Variants in MAP2K1 observed in about 807,000 individuals in gnomAD.
MAP2K1 encodes dual specificity mitogen-activated protein kinase kinase 1.
Under a neutral mutation model 46.3 loss-of-function variants are expected in MAP2K1, and 16 were observed. The ratio of observed to expected loss-of-function variants is 0.35; its 90% confidence interval spans 0.23 to 0.52. MAP2K1 has a LOEUF of 0.52. Among genes scored for constraint, MAP2K1 ranks in the 20% least tolerant of loss-of-function variants. MAP2K1 has a pLI of 0.94. For missense variants in MAP2K1, 263 were observed against 497.1 expected (o/e 0.53, Z 4.48); for synonymous variants, 183 against 185.6 (o/e 0.99, Z 0.11).
chr15:66,446,270 C>G (rs1891864748), intron 5 of MAP2K1, among the ~76,000 whole-genome samples: 1 of 151,936 alleles, frequency 6.6e-6, no homozygotes, highest in Admixed American at 6.6e-5. Context: ...GAAACCCTAT[C>G]TCTACTAAAA....
intron 1 of MAP2K1, among the ~76,000 whole-genome samples, chr15:66,408,045 T>C (rs1378376334): frequency 6.6e-6 from 1 of 152,238 alleles, no homozygotes; most frequent in East Asian, 1.9e-4. Flanking sequence ...CTTGTGCAAG[T>C]GCTTTTACAT....
At chr15:66,443,454 G>T in intron 4 of MAP2K1, 97 bp downstream of exon 4, 1 of 795,830 alleles carries the variant, frequency 1.3e-6, no homozygotes, top group South Asian at 1.4e-5. Context: ...AGTCAATGAG[G>T]GGAAAGTTTA....
chr15:66,445,769 A>G (rs1891852099), intron 5 of MAP2K1, among the ~76,000 whole-genome samples: 1 of 152,216 alleles, frequency 6.6e-6, no homozygotes, highest in South Asian at 2.1e-4. Flanking sequence ...AATAACAACA[A>G]ATCCATAGTG....
At chr15:66,425,139 G>A (rs1216144665) in intron 1 of MAP2K1, among the ~76,000 whole-genome samples, 1 of 152,136 alleles carries the variant, frequency 6.6e-6, no homozygotes, top group Non-Finnish European at 1.5e-5. Context: ...TAGACCTTGG[G>A]TTTGGGGTTT....
chr15:66,394,350 CT>C (rs1354202212), intron 1 of MAP2K1, among the ~76,000 whole-genome samples: 3 of 137,598 alleles, frequency 2.2e-5, no homozygotes, highest in Admixed American at 7.1e-5. Flanking sequence ...GAACACACAT[CT>C]GTTAGAGTGT....
At position 66,387,366 on chromosome 15, in the gene MAP2K1, A is replaced by C; in HGVS notation, c.19A>C (p.Thr7Pro). Reference sequence around the variant, plus strand: ...GTCCAAAATGCCCAAGAAGAAGCCGACGCCCATCCAGCTGAACCCGGCCCC... The same window carrying C: ...GTCCAAAATGCCCAAGAAGAAGCCGCCGCCCATCCAGCTGAACCCGGCCCC... MPKKKP[T>P]PIQLNPAPDG... Residue 7 changes from threonine (T) to proline (P), a missense_variant, in exon 1 of 11, where the codon ACG becomes CCG. By Grantham distance (38) the Thr-to-Pro change is conservative. This residue lies in a region of MAP2K1 where 31 missense variants were observed against 29.9 expected (regional missense o/e 1.04). Coordinates refer to ENST00000307102, the MANE Select transcript of MAP2K1 (RefSeq NM_002755.4). The C allele has an allele frequency of 6.4e-7, 1 of 1,565,092 alleles. No individual in the cohort carries two copies. The highest frequency in any genetic ancestry group is 8.7e-7 in the Non-Finnish European group (1 of 1,154,200).
At chr15:66,476,209 T>TTGA (rs1180130461) in intron 5 of MAP2K1, among the ~76,000 whole-genome samples, 1 of 152,172 alleles carries the variant, frequency 6.6e-6, no homozygotes, top group African/African-American at 2.4e-5. Context: ...TACTGGGTGG[T>TTGA]TGATGCTTCC....
chr15:66,482,022 A>C (rs1049551924), intron 6 of MAP2K1, 143 bp downstream of exon 6: 17 of 1,054,614 alleles, frequency 1.6e-5, no homozygotes, highest in Admixed American at 1.4e-4. Flanking sequence ...TGCCCTGAGG[A>C]GATGAAGTTG....
intron 9 of MAP2K1, 116 bp downstream of exon 9, chr15:66,489,392 C>A: frequency 2.0e-6 from 2 of 994,204 alleles, no homozygotes; most frequent in Non-Finnish European, 3.2e-6. Context: ...TTTACCCTCC[C>A]GTCTGATGAT....
At chr15:66,458,947 C>T (rs1263385515) in intron 5 of MAP2K1, among the ~76,000 whole-genome samples, 1 of 152,102 alleles carries the variant, frequency 6.6e-6, no homozygotes, top group Non-Finnish European at 1.5e-5. Flanking sequence ...CCTTTATTCC[C>T]TAGGTTAGAG....
chr15:66,420,288 C>T (rs1270354895), intron 1 of MAP2K1, among the ~76,000 whole-genome samples: 2 of 151,584 alleles, frequency 1.3e-5, no homozygotes, highest in Admixed American at 6.6e-5. Flanking sequence ...GCCTTTCAGC[C>T]GTGCACAGTG....
intron 1 of MAP2K1, among the ~76,000 whole-genome samples, chr15:66,418,455 T>A (rs930238768): frequency 6.6e-6 from 1 of 152,220 alleles, no homozygotes; most frequent in Non-Finnish European, 1.5e-5. Flanking sequence ...TTTCTTTTTT[T>A]AAATTTATTT....
At position 66,477,145 on chromosome 15, in the gene MAP2K1, G is replaced by C. The variant is rs144581101; in HGVS notation, c.569-4610G>C. ...TTCCATCTCTGCTGCCTCCTAGGCA[G>C]TGTTTTTCCCTGGAGCGGGTGGGAG... is the stretch of plus-strand genomic sequence containing the variant. On this transcript the variant is annotated intron_variant, in intron 5 of 10. Transcript: ENST00000307102. Among the ~76,000 whole-genome samples, 7 of 152,358 alleles carry C rather than the reference G, an allele frequency of 4.6e-5. No individual in the cohort carries two copies. The East Asian group carries it at 1.3e-3, about 29-fold the overall frequency.
At chr15:66,439,916 CA>C (rs1385905591) in intron 3 of MAP2K1, among the ~76,000 whole-genome samples, 1 of 121,746 alleles carries the variant, frequency 8.2e-6, no homozygotes, top group Non-Finnish European at 1.7e-5. Context: ...GCCTGGGTGA[CA>C]AGAGCAAAAC....
At chr15:66,415,767 G>A (rs113020477) in intron 1 of MAP2K1, among the ~76,000 whole-genome samples, 29 of 152,084 alleles carry the variant, frequency 1.9e-4, no homozygotes, top group African/African-American at 4.6e-4. Context: ...TTCCATTTTC[G>A]TTAAACAAAA....
At chr15:66,468,634 A>T (rs116813936) in intron 5 of MAP2K1, among the ~76,000 whole-genome samples, 2,427 of 150,344 alleles carry the variant, frequency 0.016, 61 homozygotes, top group African/African-American at 0.057. Context: ...TGATGCTTTT[A>T]AAAAAAATTT....
In MAP2K1 at chr15:66,434,924, C is replaced by T. The variant is rs1341029142; in HGVS notation, c.81-103C>T. 8.3e-6 allele frequency: 7 copies of T among 845,756 alleles called. No homozygotes were observed. The East Asian group carries it at 1.2e-4, about 15-fold the overall frequency. 52.4% of individuals were successfully genotyped at this position (845,756 alleles called of 1,614,324 possible). A position where few individuals can be genotyped will look rare whatever the true frequency, so the allele number is the denominator to read the frequency against. On this transcript the variant is annotated intron_variant, in intron 1 of 10. Coordinates refer to ENST00000307102, the MANE Select transcript of MAP2K1 (RefSeq NM_002755.4). ...CTCTCTAGCCTCCCACTTTGATTATCTGTCTGGCCCCAGACCTGGAGCTTT... is the reference window on the plus strand; with the variant it reads ...CTCTCTAGCCTCCCACTTTGATTATTTGTCTGGCCCCAGACCTGGAGCTTT...
chr15:66,423,751 G>A (rs2093449760), intron 1 of MAP2K1, among the ~76,000 whole-genome samples: 1 of 39,064 alleles, frequency 2.6e-5, no homozygotes, highest in Admixed American at 4.5e-4. Context: ...GGGATTACAG[G>A]CATGCACCAC....
chr15:66,488,513 C>T (rs1241287103), intron 8 of MAP2K1: 2 of 152,912 alleles, frequency 1.3e-5, no homozygotes, highest in East Asian at 3.8e-4. Flanking sequence ...ATAAGTGGGC[C>T]CACATTTCCT....
Sources: gnomAD v4.1 joint callset for allele counts (sites outside exome capture counted in the v4.1 genomes callset) on GRCh38, gnomAD v4.1.1 for gene constraint, gnomAD v4.1.1 regional missense constraint, MANE v1.5 for transcripts, NCBI Gene and HGNC (gene_info 2026-07-23, HGNC 2026-07-21) for gene names.